Variants in CLEC16A observed in about 807,000 individuals in gnomAD.
CLEC16A encodes the protein C-type lectin domain containing 16A, also known as protein CLEC16A.
In CLEC16A, 51 loss-of-function variants were observed where a neutral mutation model predicts 109.5. The observed-to-expected ratio is 0.47, with a 90% confidence interval of 0.37 to 0.59. The LOEUF (loss-of-function observed/expected upper bound fraction) is 0.59. Among genes scored for constraint, CLEC16A ranks in the 20% least tolerant of loss-of-function variants. The pLI is 0.00. For synonymous variants in CLEC16A, 673 were observed against 564.2 expected (o/e 1.19, Z -2.73); for missense variants, 1,339 against 1,394.0 (o/e 0.96, Z 0.63).
chr16:11,027,449 T>G (rs2046474756), intron 13 of CLEC16A: 1 of 1,569,136 alleles, frequency 6.4e-7, no homozygotes, highest in African/African-American at 1.3e-5. Flanking sequence ...CCTGGGGATT[T>G]CCAAATCTGA....
intron 2 of CLEC16A, among the ~76,000 whole-genome samples, chr16:10,958,471 C>T (rs1020282646): frequency 5.9e-5 from 9 of 152,178 alleles, no homozygotes; most frequent in Non-Finnish European, 1.5e-5. Flanking sequence ...GTGAGCAGTC[C>T]TCAGCCAGGC....
chr16:11,124,351 A>G (rs1165638200), intron 21 of CLEC16A, among the ~76,000 whole-genome samples: 1 of 152,248 alleles, frequency 6.6e-6, no homozygotes, highest in Non-Finnish European at 1.5e-5. Flanking sequence ...AAACAGGCTC[A>G]GGGACTTGCC....
At chr16:11,017,451 TCTC>T (rs1398178198) in intron 11 of CLEC16A, among the ~76,000 whole-genome samples, 1 of 152,060 alleles carries the variant, frequency 6.6e-6, no homozygotes, top group Non-Finnish European at 1.5e-5. Context: ...GAAGGACAAA[TCTC>T]CTCTACAGAA....
intron 11 of CLEC16A, among the ~76,000 whole-genome samples, chr16:11,007,114 C>T (rs145266993): frequency 6.6e-6 from 1 of 152,218 alleles, no homozygotes; most frequent in East Asian, 1.9e-4. Context: ...GGACTGAATC[C>T]TTCAAACTCC....
chr16:11,023,420 T>G (rs1266944774), intron 12 of CLEC16A, among the ~76,000 whole-genome samples: 4 of 152,208 alleles, frequency 2.6e-5, no homozygotes, highest in African/African-American at 7.2e-5. Flanking sequence ...GAAGTGTTAT[T>G]GCTGGAGGCT....
intron 13 of CLEC16A, chr16:11,027,614 G>C (rs2046486566): frequency 6.4e-7 from 1 of 1,558,526 alleles, no homozygotes; most frequent in Non-Finnish European, 8.7e-7. Context: ...TCCCAGGGAA[G>C]CATTTCCAGG....
intron 13 of CLEC16A, among the ~76,000 whole-genome samples, chr16:11,027,922 T>C (rs972685175): frequency 6.6e-6 from 1 of 152,246 alleles, no homozygotes; most frequent in African/African-American, 2.4e-5. Flanking sequence ...AGTAGCTGGC[T>C]GGGCGTTGTG....
chr16:10,956,468 A>G (rs1395222570), intron 1 of CLEC16A, among the ~76,000 whole-genome samples: 1 of 152,170 alleles, frequency 6.6e-6, no homozygotes, highest in Non-Finnish European at 1.5e-5. Context: ...AAAAGAAATC[A>G]GGAGAGGAGG....
rs58563075 is a variant in CLEC16A at position 11,122,323 on chromosome 16, A to G, written c.2269-1419A>G. On this transcript the variant is annotated intron_variant, in intron 20 of 23. Coordinates refer to ENST00000409790, the MANE Select transcript of CLEC16A (RefSeq NM_015226.3). The stretch of plus-strand genomic sequence containing the variant: ...ATCTTTCATTTAAAAGAAACACTCC[A>G]TGTAAGACATTATCCATTAAGTGAC... Among the ~76,000 whole-genome samples, 285 of 152,346 alleles carry G rather than the reference A, an allele frequency of 1.9e-3. 3 individuals carry two copies. In the East Asian group the frequency reaches 0.026, roughly 14 times the overall value.
chr16:11,133,246 G>A, intron 22 of CLEC16A, among the ~76,000 whole-genome samples: 1 of 152,112 alleles, frequency 6.6e-6, no homozygotes, highest in East Asian at 1.9e-4. Context: ...GGCTGAGGCA[G>A]GAGAATCACT....
intron 22 of CLEC16A, among the ~76,000 whole-genome samples, chr16:11,159,831 C>G (rs1007338175): frequency 6.6e-6 from 1 of 152,056 alleles, no homozygotes; most frequent in African/African-American, 2.4e-5. Flanking sequence ...TTGTCGGGTT[C>G]TTATTTACTT....
intron 10 of CLEC16A, among the ~76,000 whole-genome samples, chr16:10,989,838 T>C (rs893044213): frequency 1.3e-5 from 2 of 152,238 alleles, no homozygotes; most frequent in African/African-American, 4.8e-5. Context: ...ATTCAGAGCA[T>C]TAATCGTTGA....
chr16:11,145,512 T>C (rs2054014972), intron 22 of CLEC16A, among the ~76,000 whole-genome samples: 1 of 152,252 alleles, frequency 6.6e-6, no homozygotes, highest in African/African-American at 2.4e-5. Flanking sequence ...ACCTGTCTCC[T>C]GGGCAAAGGG....
chr16:10,982,157 C>T (rs1028480693), intron 9 of CLEC16A, among the ~76,000 whole-genome samples: 3 of 152,212 alleles, frequency 2.0e-5, no homozygotes, highest in African/African-American at 7.2e-5. Context: ...ATGTCTAGGC[C>T]AGCTTTGCAA....
intron 11 of CLEC16A, among the ~76,000 whole-genome samples, chr16:11,006,819 T>C (rs1344169647): frequency 6.6e-6 from 1 of 152,034 alleles, no homozygotes; most frequent in Non-Finnish European, 1.5e-5. Context: ...CCCTAACCCA[T>C]CCACTCCCTT....
At chr16:11,162,287 G>A (rs1178156744) in intron 22 of CLEC16A, among the ~76,000 whole-genome samples, 1 of 152,224 alleles carries the variant, frequency 6.6e-6, no homozygotes, top group Non-Finnish European at 1.5e-5. Flanking sequence ...CCCACTGTTG[G>A]AGTGGCCTGC....
At chr16:10,999,794 T>C (rs908073563) in intron 10 of CLEC16A, among the ~76,000 whole-genome samples, 1 of 152,246 alleles carries the variant, frequency 6.6e-6, no homozygotes, top group African/African-American at 2.4e-5. Context: ...ATGTTTTGTG[T>C]TGGATGTTCA....
intron 19 of CLEC16A, among the ~76,000 whole-genome samples, chr16:11,093,950 T>C (rs2050458072): frequency 6.6e-6 from 1 of 152,072 alleles, no homozygotes; most frequent in African/African-American, 2.4e-5. Context: ...CAGGCTTGGT[T>C]AGAAGGGAGG....
At chr16:11,055,822 C>G (rs753976586) in intron 18 of CLEC16A, among the ~76,000 whole-genome samples, 1 of 152,020 alleles carries the variant, frequency 6.6e-6, no homozygotes, top group Non-Finnish European at 1.5e-5. Flanking sequence ...CTCCTGAACT[C>G]AGGTGATCCA....
Sources: gnomAD v4.1 joint callset for allele counts (sites outside exome capture counted in the v4.1 genomes callset) on GRCh38, gnomAD v4.1.1 for gene constraint, MANE v1.5 for transcripts, NCBI Gene and HGNC (gene_info 2026-07-23, HGNC 2026-07-21) for gene names.